The following LRRC4C variants were observed in gnomAD, a reference collection of about 807,000 sequenced individuals.
LRRC4C encodes leucine rich repeat containing 4C, also known as leucine-rich repeat-containing protein 4C.
Under a neutral mutation model 33.6 loss-of-function variants are expected in LRRC4C, and 5 were observed. That is an observed-to-expected ratio of 0.15 (90% CI 0.08 to 0.31). The LOEUF (loss-of-function observed/expected upper bound fraction) is 0.31, where lower values mean the gene tolerates loss of function less well. LRRC4C is among the 10% of genes least tolerant of loss of function. The pLI is 1.00. For missense variants in LRRC4C, 560 were observed against 796.7 expected, an observed-to-expected ratio of 0.70 and a Z score of 3.58; for synonymous variants, 329 against 302.0, an observed-to-expected ratio of 1.09 and a Z score of -0.93.
chr11:40,598,331 C>A (rs1429106573), intron 3 of LRRC4C, among the ~76,000 whole-genome samples: 1 of 152,054 alleles, frequency 6.6e-6, no homozygotes, highest in African/African-American at 2.4e-5. Context: ...GTTCCTAGAA[C>A]AGAAAATGGC....
intron 1 of LRRC4C, among the ~76,000 whole-genome samples, chr11:41,004,997 TATTATTATA>T (rs1854639054): frequency 6.6e-6 from 1 of 151,948 alleles, no homozygotes; most frequent in Non-Finnish European, 1.5e-5. Context: ...CTTTCATTAT[TATTATTATA>T]ATTATTACAG....
intron 1 of LRRC4C, among the ~76,000 whole-genome samples, chr11:41,108,927 C>T (rs1475122111): frequency 5.3e-5 from 8 of 152,070 alleles, no homozygotes; most frequent in South Asian, 2.1e-4. Flanking sequence ...AGCACATCCA[C>T]GTTCATTCCC....
At chr11:40,930,149 G>T (rs968938161) in intron 2 of LRRC4C, among the ~76,000 whole-genome samples, 4 of 152,188 alleles carry the variant, frequency 2.6e-5, no homozygotes, top group Non-Finnish European at 4.4e-5. Flanking sequence ...GAAGGTAGTA[G>T]GGGAGGAAGC....
intron 1 of LRRC4C, among the ~76,000 whole-genome samples, chr11:41,417,933 C>CAT (rs949870659): frequency 1.4e-4 from 21 of 145,806 alleles, no homozygotes; most frequent in East Asian, 4.1e-4. Flanking sequence ...TGTGTGTGTG[C>CAT]ATATATATAT....
intron 5 of LRRC4C, among the ~76,000 whole-genome samples, chr11:40,190,920 A>G (rs1861789842): frequency 6.6e-6 from 1 of 152,198 alleles, no homozygotes; most frequent in South Asian, 2.1e-4. Flanking sequence ...GAAAGCTTAC[A>G]GCAAAGGGAG....
chr11:41,047,640 C>A (rs1011712088), intron 1 of LRRC4C, among the ~76,000 whole-genome samples: 1 of 152,104 alleles, frequency 6.6e-6, no homozygotes, highest in African/African-American at 2.4e-5. Flanking sequence ...GCTTTGATGA[C>A]CCCATTCCTT....
chr11:40,869,496 A>T (rs1232107893), intron 2 of LRRC4C, among the ~76,000 whole-genome samples: 1 of 152,154 alleles, frequency 6.6e-6, no homozygotes, highest in Non-Finnish European at 1.5e-5. Flanking sequence ...GAAACTGGTG[A>T]TCAGCAGCTT....
chr11:41,226,685 C>A (rs1177227414), intron 1 of LRRC4C, among the ~76,000 whole-genome samples: 1 of 151,366 alleles, frequency 6.6e-6, no homozygotes, highest in East Asian at 2.0e-4. Flanking sequence ...TGTATTTTCA[C>A]CTCTCCCCTT....
chr11:40,246,685 T>C (rs1866365314), intron 4 of LRRC4C, among the ~76,000 whole-genome samples: 1 of 152,214 alleles, frequency 6.6e-6, no homozygotes, highest in African/African-American at 2.4e-5. Flanking sequence ...CAAATCATTC[T>C]ATACCCATGA....
intron 1 of LRRC4C, among the ~76,000 whole-genome samples, chr11:41,326,664 T>C (rs1248954560): frequency 1.3e-5 from 2 of 152,224 alleles, no homozygotes; most frequent in Non-Finnish European, 2.9e-5. Context: ...AAAATTGGTT[T>C]TCTGCCATGA....
chr11:40,245,089 A>G (rs1866225535), intron 4 of LRRC4C, among the ~76,000 whole-genome samples: 1 of 152,204 alleles, frequency 6.6e-6, no homozygotes, highest in East Asian at 1.9e-4. Context: ...TTTTTCATCC[A>G]TGAATGAACC....
chr11:40,604,685 G>T (rs992724987), intron 3 of LRRC4C, among the ~76,000 whole-genome samples: 2 of 151,880 alleles, frequency 1.3e-5, no homozygotes, highest in African/African-American at 4.8e-5. Flanking sequence ...CAACACAAAG[G>T]TATTATATTT....
At chr11:40,669,005 A>T (rs1943952210) in intron 2 of LRRC4C, among the ~76,000 whole-genome samples, 1 of 152,176 alleles carries the variant, frequency 6.6e-6, no homozygotes, top group Non-Finnish European at 1.5e-5. Flanking sequence ...TCAAATCTCT[A>T]CGGTTGTTGT....
intron 1 of LRRC4C, among the ~76,000 whole-genome samples, chr11:41,165,909 T>C (rs753171678): frequency 6.6e-6 from 1 of 151,846 alleles, no homozygotes; most frequent in Non-Finnish European, 1.5e-5. Context: ...TGGGTGCCTG[T>C]AATCCCAGCT....
At chr11:40,582,491 A>G (rs1006695521) in intron 3 of LRRC4C, among the ~76,000 whole-genome samples, 2 of 143,560 alleles carry the variant, frequency 1.4e-5, no homozygotes, top group African/African-American at 5.1e-5. Flanking sequence ...TTCTTATCGT[A>G]CTTATTTCTC....
intron 3 of LRRC4C, among the ~76,000 whole-genome samples, chr11:40,469,569 A>G (rs1433873369): frequency 1.3e-5 from 2 of 152,114 alleles, no homozygotes; most frequent in Non-Finnish European, 2.9e-5. Context: ...GAAGCCAGGG[A>G]GCCAAGTGGT....
At chr11:40,976,166 C>A (rs2137044719) in intron 1 of LRRC4C, among the ~76,000 whole-genome samples, 1 of 152,272 alleles carries the variant, frequency 6.6e-6, no homozygotes, top group Non-Finnish European at 1.5e-5. Flanking sequence ...TAATGAGAGT[C>A]ATGATATCTC....
chr11:40,782,820 C>T (rs1237364302), intron 2 of LRRC4C, among the ~76,000 whole-genome samples: 1 of 151,874 alleles, frequency 6.6e-6, no homozygotes, highest in Non-Finnish European at 1.5e-5. Flanking sequence ...CACTGTCTCT[C>T]TCTGTCTATA....
chr11:40,665,322 AAAAATATATATATATATATATAT>A (rs1343353832), intron 2 of LRRC4C, among the ~76,000 whole-genome samples: 1 of 12,034 alleles, frequency 8.3e-5, no homozygotes, highest in African/African-American at 2.6e-4. Flanking sequence ...AAAAAAAAAA[AAAAATATATATATATATATATAT>A]ATATATATAT....
Sources: allele counts gnomAD v4.1 joint callset (sites outside exome capture counted in the v4.1 genomes callset), GRCh38; gene constraint gnomAD v4.1.1; transcripts MANE v1.5; gene names NCBI Gene and HGNC (gene_info 2026-07-23, HGNC 2026-07-21).